HSD17B12: variants seen among roughly 807,000 people sequenced by gnomAD.
The protein encoded by HSD17B12 is very-long-chain 3-oxoacyl-CoA reductase.
In HSD17B12, 32 loss-of-function variants were observed where a neutral mutation model predicts 39.3. That is an observed-to-expected ratio of 0.81 (90% CI 0.61 to 1.09). HSD17B12 has a LOEUF of 1.09. Among genes scored for constraint, HSD17B12 ranks in the 50% least tolerant of loss-of-function variants. The probability of loss-of-function intolerance (pLI) is 0.00; values close to 1 mark genes in which losing one functional copy is unlikely to be tolerated. For missense variants in HSD17B12, 342 were observed against 382.9 expected (o/e 0.89, Z 0.89); for synonymous variants, 150 against 146.7 (o/e 1.02, Z -0.16).
intron 6 of HSD17B12, among the ~76,000 whole-genome samples, chr11:43,820,399 T>C (rs997753281): frequency 1.3e-5 from 2 of 152,252 alleles, no homozygotes; most frequent in East Asian, 3.8e-4. Flanking sequence ...TCTTTGGTGC[T>C]GCTGTGATTT....
At chr11:43,577,302 G>A in the HSD17B12 span, among the ~76,000 whole-genome samples, 1 of 152,214 alleles carries the variant, frequency 6.6e-6, no homozygotes, top group South Asian at 2.1e-4. Flanking sequence ...GATGTTCAAA[G>A]GGATAGTCGT....
the HSD17B12 span, among the ~76,000 whole-genome samples, chr11:43,620,773 C>T: frequency 6.6e-6 from 1 of 152,212 alleles, no homozygotes; most frequent in East Asian, 1.9e-4. Flanking sequence ...GCCTAAAAGA[C>T]GAGAACTCTG....
chr11:43,606,328 A>C, the HSD17B12 span, among the ~76,000 whole-genome samples: 1 of 152,234 alleles, frequency 6.6e-6, no homozygotes, highest in East Asian at 1.9e-4. Context: ...CATCACTCCT[A>C]AAGTGGCCCT....
At chr11:43,685,025 G>A (rs1565047174) in intron 1 of HSD17B12, among the ~76,000 whole-genome samples, 1 of 152,120 alleles carries the variant, frequency 6.6e-6, no homozygotes, top group Non-Finnish European at 1.5e-5. Context: ...TATGAAATCT[G>A]TACTTCATTT....
At chr11:43,616,422 A>G in the HSD17B12 span, among the ~76,000 whole-genome samples, 10 of 138,902 alleles carry the variant, frequency 7.2e-5, 1 homozygote, top group Admixed American at 6.9e-4. Context: ...AAAAAACAAA[A>G]AACAAAAAAA....
the HSD17B12 span, among the ~76,000 whole-genome samples, chr11:43,647,417 A>G: frequency 6.7e-6 from 1 of 149,220 alleles, no homozygotes; most frequent in Non-Finnish European, 1.5e-5. Flanking sequence ...CTAGAACTAC[A>G]GGCATGCTCC....
At chr11:43,745,628 A>G (rs1303251794) in intron 1 of HSD17B12, among the ~76,000 whole-genome samples, 2 of 152,326 alleles carry the variant, frequency 1.3e-5, no homozygotes, top group African/African-American at 2.4e-5. Context: ...ACAAACCTGT[A>G]TATAATAGCA....
intron 3 of HSD17B12, among the ~76,000 whole-genome samples, chr11:43,767,288 G>A (rs943838046): frequency 2.0e-5 from 3 of 151,778 alleles, no homozygotes; most frequent in African/African-American, 4.8e-5. Flanking sequence ...AGAATGTTTC[G>A]CCTCCCACTT....
the HSD17B12 span, among the ~76,000 whole-genome samples, chr11:43,557,947 A>G: frequency 2.6e-5 from 4 of 152,098 alleles, no homozygotes; most frequent in African/African-American, 4.8e-5. Flanking sequence ...GGGGCGTTCT[A>G]TGAGGTCAGA....
the HSD17B12 span, among the ~76,000 whole-genome samples, chr11:43,631,058 G>T: frequency 6.6e-6 from 1 of 152,100 alleles, no homozygotes; most frequent in Non-Finnish European, 1.5e-5. Flanking sequence ...GCCTGCCTTG[G>T]CTTCCCAAAG....
intron 1 of HSD17B12, among the ~76,000 whole-genome samples, chr11:43,697,185 C>T (rs566054657): frequency 1.3e-5 from 2 of 152,134 alleles, no homozygotes; most frequent in African/African-American, 4.8e-5. Flanking sequence ...ATAAAACAAA[C>T]AAACAAAAAG....
At chr11:43,751,864 T>A (rs1950467687) in intron 2 of HSD17B12, among the ~76,000 whole-genome samples, 1 of 152,178 alleles carries the variant, frequency 6.6e-6, no homozygotes, top group East Asian at 1.9e-4. Flanking sequence ...AGCTAAAACA[T>A]TCACCCTTAC....
intron 1 of HSD17B12, among the ~76,000 whole-genome samples, chr11:43,713,647 T>G (rs574235950): frequency 1.2e-4 from 19 of 152,152 alleles, no homozygotes; most frequent in Non-Finnish European, 1.9e-4. Context: ...TATCCAGTTA[T>G]GGGATAGCTG....
At chr11:43,729,314 G>C (rs1441877895) in intron 1 of HSD17B12, among the ~76,000 whole-genome samples, 1 of 152,198 alleles carries the variant, frequency 6.6e-6, no homozygotes, top group East Asian at 1.9e-4. Flanking sequence ...TCCTAATCTT[G>C]TGAAGGGATT....
At chr11:43,809,106 A>G (rs1386267858) in intron 4 of HSD17B12, among the ~76,000 whole-genome samples, 2 of 152,228 alleles carry the variant, frequency 1.3e-5, no homozygotes, top group African/African-American at 4.8e-5. Flanking sequence ...TTCTGGTCAT[A>G]CGTAATAAAA....
At chr11:43,655,079 A>C in the HSD17B12 span, among the ~76,000 whole-genome samples, 1 of 151,936 alleles carries the variant, frequency 6.6e-6, no homozygotes, top group Non-Finnish European at 1.5e-5. Flanking sequence ...CTTTTATTTC[A>C]CTGAGCAGTG....
chr11:43,774,370 C>T (rs541455885), intron 3 of HSD17B12, among the ~76,000 whole-genome samples: 2 of 152,184 alleles, frequency 1.3e-5, no homozygotes, highest in African/African-American at 2.4e-5. Context: ...CATGCCATCA[C>T]GCCCAGCTAA....
At chr11:43,800,120 C>T (rs932370237) in intron 4 of HSD17B12, among the ~76,000 whole-genome samples, 1 of 152,184 alleles carries the variant, frequency 6.6e-6, no homozygotes, top group Non-Finnish European at 1.5e-5. Flanking sequence ...ATCTTGACTT[C>T]CTTCACCTAG....
At chr11:43,827,104 A>G (rs1951250716) in intron 6 of HSD17B12, among the ~76,000 whole-genome samples, 1 of 152,218 alleles carries the variant, frequency 6.6e-6, no homozygotes, top group Admixed American at 6.5e-5. Context: ...GCAGATGTGG[A>G]CAAAGTGGCT....
Sources: allele counts gnomAD v4.1 joint callset (sites outside exome capture counted in the v4.1 genomes callset), GRCh38; gene constraint gnomAD v4.1.1; transcripts MANE v1.5; gene names NCBI Gene and HGNC (gene_info 2026-07-23, HGNC 2026-07-21).